The following SORCS1 variants were observed in gnomAD, a reference collection of about 807,000 sequenced individuals.
SORCS1 encodes VPS10 domain-containing receptor SorCS1.
SORCS1 carries 60 observed loss-of-function variants against 146.1 expected under a neutral mutation model. That is an observed-to-expected ratio of 0.41 (90% CI 0.33 to 0.51). The LOEUF (loss-of-function observed/expected upper bound fraction) is 0.51. SORCS1 is among the 20% of genes least tolerant of loss of function. The pLI is 0.21. For synonymous variants in SORCS1, 637 were observed against 584.0 expected (o/e 1.09, Z -1.31); for missense variants, 1,352 against 1,487.6 (o/e 0.91, Z 1.50).
chr10:106,760,191 T>G (rs947837923), intron 5 of SORCS1, among the ~76,000 whole-genome samples: 2 of 152,034 alleles, frequency 1.3e-5, no homozygotes, highest in East Asian at 3.9e-4. Context: ...ACGCCTGTAA[T>G]CCCAGCACTT....
chr10:106,736,222 G>A (rs1291176932), intron 5 of SORCS1, among the ~76,000 whole-genome samples: 2 of 152,142 alleles, frequency 1.3e-5, no homozygotes, highest in Non-Finnish European at 2.9e-5. Flanking sequence ...TTAATATAGT[G>A]CCCAATAAAT....
At chr10:107,003,894 G>A (rs569499741) in intron 1 of SORCS1, among the ~76,000 whole-genome samples, 5 of 152,102 alleles carry the variant, frequency 3.3e-5, no homozygotes, top group African/African-American at 9.6e-5. Context: ...CAGAGAATAC[G>A]GCTGGGTGCG....
In SORCS1 at chr10:106,824,673, G is replaced by A. The variant is rs1263385563; in HGVS notation, c.726+4901C>T. ...GGAATTAAGCATGCTCAGATATAAAGAGACAAGAAGTCAATAATCAAACCC... is the reference window on the plus strand; with the variant it reads ...GGAATTAAGCATGCTCAGATATAAAAAGACAAGAAGTCAATAATCAAACCC... On this transcript the variant is annotated intron_variant, in intron 3 of 25. Coordinates refer to ENST00000263054, the MANE Select transcript of SORCS1 (RefSeq NM_052918.5). Among the ~76,000 whole-genome samples the A allele has an allele frequency of 4.0e-5, 6 of 150,302 alleles. No homozygotes were observed. In the East Asian group the frequency reaches 1.2e-3, roughly 29 times the overall value.
At chr10:106,989,947 C>T (rs549914133) in intron 1 of SORCS1, among the ~76,000 whole-genome samples, 1 of 152,078 alleles carries the variant, frequency 6.6e-6, no homozygotes, top group African/African-American at 2.4e-5. Context: ...CGGCCTCCCA[C>T]AGTACTGGAA....
intron 3 of SORCS1, among the ~76,000 whole-genome samples, chr10:106,791,559 C>G (rs1171897287): frequency 6.6e-6 from 1 of 151,956 alleles, no homozygotes; most frequent in Non-Finnish European, 1.5e-5. Context: ...ATTAGTTGGG[C>G]GTGGTGGTGC....
intron 1 of SORCS1, among the ~76,000 whole-genome samples, chr10:106,977,128 T>G (rs1013565866): frequency 6.6e-6 from 1 of 152,180 alleles, no homozygotes; most frequent in African/African-American, 2.4e-5. Flanking sequence ...TTTTCCACAA[T>G]GGGTGAGCGA....
intron 1 of SORCS1, among the ~76,000 whole-genome samples, chr10:106,968,195 G>A (rs1267806048): frequency 4.0e-5 from 6 of 151,890 alleles, no homozygotes; most frequent in African/African-American, 9.7e-5. Flanking sequence ...GGGCGACAGC[G>A]AGACTTCGTC....
chr10:106,794,594 C>T (rs1946459998), intron 3 of SORCS1, among the ~76,000 whole-genome samples: 1 of 151,458 alleles, frequency 6.6e-6, no homozygotes, highest in African/African-American at 2.4e-5. Flanking sequence ...GCTGTGCCTC[C>T]CGGGTTCACG....
At chr10:107,165,490 A>G (rs1970022937), upstream of SORCS1, among the ~76,000 whole-genome samples, 1 of 152,142 alleles carries the variant, frequency 6.6e-6, no homozygotes, top group Admixed American at 6.5e-5. This position sits in a 1 kb window ranked among gnomAD's most constrained non-coding sequence, Gnocchi z 4.0. Flanking sequence ...TCCCTAAGAG[A>G]CTGCAAACTC....
At chr10:107,027,699 A>T (rs543352546) in intron 1 of SORCS1, among the ~76,000 whole-genome samples, 95 of 152,312 alleles carry the variant, frequency 6.2e-4, no homozygotes, top group Non-Finnish European at 9.8e-4. Flanking sequence ...CAGAAGTTTC[A>T]GTCATCAGCT....
chr10:106,679,620 T>C lies in SORCS1; in HGVS notation c.1663+12A>G, dbSNP rs2135554192. On this transcript the variant is annotated intron_variant, in intron 11 of 25. Transcript: ENST00000263054. Reference sequence around the variant, plus strand: ...TATTTACCACAGCCAGCAAACCAGGTAAGCTTCTTACCTGATGCCACTATG... The same window carrying C: ...TATTTACCACAGCCAGCAAACCAGGCAAGCTTCTTACCTGATGCCACTATG... The C allele has an allele frequency of 6.2e-7, 1 of 1,602,728 alleles. No homozygotes were observed. The highest frequency in any genetic ancestry group is 1.1e-5 in the South Asian group (1 of 89,448).
chr10:107,034,754 C>G (rs1958823529), intron 1 of SORCS1, among the ~76,000 whole-genome samples: 1 of 135,040 alleles, frequency 7.4e-6, no homozygotes, highest in South Asian at 2.5e-4. Context: ...CCATCTAAAA[C>G]CTAAAGAATG....
intron 19 of SORCS1, among the ~76,000 whole-genome samples, chr10:106,627,387 T>C: frequency 6.6e-6 from 1 of 152,234 alleles, no homozygotes; most frequent in Non-Finnish European, 1.5e-5. Context: ...GCTAGCTCTC[T>C]AGCAAAATCA....
intron 18 of SORCS1, among the ~76,000 whole-genome samples, chr10:106,650,202 G>A (rs189974740): frequency 6.6e-6 from 1 of 152,254 alleles, no homozygotes; most frequent in Admixed American, 6.5e-5. Flanking sequence ...GTTTACTTTG[G>A]TTTCTAACAA....
intron 1 of SORCS1, among the ~76,000 whole-genome samples, chr10:107,034,913 T>A (rs1958830095): frequency 1.3e-5 from 2 of 151,964 alleles, no homozygotes; most frequent in Non-Finnish European, 2.9e-5. Context: ...CACTCATTTT[T>A]AACTAAATTA....
At chr10:106,959,894 A>G (rs1449792538) in intron 1 of SORCS1, among the ~76,000 whole-genome samples, 1 of 152,210 alleles carries the variant, frequency 6.6e-6, no homozygotes, top group Non-Finnish European at 1.5e-5. Flanking sequence ...TTCAGCACAC[A>G]ATTTTCATGT....
chr10:106,877,865 G>T (rs1296556710), intron 2 of SORCS1, among the ~76,000 whole-genome samples: 1 of 152,114 alleles, frequency 6.6e-6, no homozygotes, highest in Non-Finnish European at 1.5e-5. Context: ...TACCTGGCAG[G>T]GTATTCTTAC....
intron 18 of SORCS1, among the ~76,000 whole-genome samples, chr10:106,650,451 C>G (rs1385033171): frequency 6.6e-6 from 1 of 152,196 alleles, no homozygotes; most frequent in African/African-American, 2.4e-5. Context: ...CCTTTAACTT[C>G]TCAGCCTCTT....
chr10:106,914,197 A>T (rs758111307), intron 2 of SORCS1, among the ~76,000 whole-genome samples: 2 of 152,204 alleles, frequency 1.3e-5, no homozygotes, highest in Admixed American at 6.5e-5. Flanking sequence ...GGAAGGGAGG[A>T]GGATGCTGGG....
Sources: allele counts gnomAD v4.1 joint callset (sites outside exome capture counted in the v4.1 genomes callset), GRCh38; gene constraint gnomAD v4.1.1; non-coding constraint Gnocchi (gnomAD v3.1); transcripts MANE v1.5; gene names NCBI Gene and HGNC (gene_info 2026-07-23, HGNC 2026-07-21).